The following NOP56 variants were observed in gnomAD, a reference collection of about 807,000 sequenced individuals.
NOP56 encodes the protein nucleolar protein 56.
Under a neutral mutation model 58.3 loss-of-function variants are expected in NOP56, and 31 were observed. That is an observed-to-expected ratio of 0.53 (90% CI 0.40 to 0.72). NOP56 has a LOEUF of 0.72. NOP56 is among the 30% of genes least tolerant of loss of function. The pLI is 0.00. For synonymous variants in NOP56, 313 were observed against 282.8 expected (o/e 1.11, Z -1.07); for missense variants, 669 against 739.9 (o/e 0.90, Z 1.11).
In NOP56 at chr20:2,658,215, G is replaced by C. The variant is rs759853283; in HGVS notation, c.1706G>C (p.Ser569Thr). 6.2e-7 allele frequency: 1 copy of C among 1,605,128 alleles called. No homozygotes were observed. The highest frequency in any genetic ancestry group is 8.5e-7 in the Non-Finnish European group (1 of 1,175,636). Residue 569 changes from serine to threonine, a missense_variant, in exon 12 of 12, where the codon AGC (serine) becomes ACC (threonine). Ser to Thr is a moderately conservative substitution (Grantham distance 58). This residue lies in a region of NOP56 where 209 missense variants were observed against 196.2 expected (regional missense o/e 1.07). Coordinates refer to ENST00000329276, the MANE Select transcript of NOP56 (RefSeq NM_006392.4). ...KRKFSKEEPVSSGPEEAVGKS... is the reference protein window; with the variant it reads ...KRKFSKEEPVTSGPEEAVGKS... ...AAATTCTCCAAAGAGGAGCCGGTCA[G>C]CAGTGGGCCTGAAGAGGCGGTTGGC... is the stretch of plus-strand genomic sequence containing the variant.
Position 2,654,777 on chromosome 20 carries a change from G to A in NOP56, c.399G>A (p.Val133=), listed in dbSNP as rs777172554. The change falls in exon 5 of 12, where the codon GTG becomes GTA. Residue 133 remains valine, a synonymous_variant. Coordinates refer to ENST00000329276, the MANE Select transcript of NOP56 (RefSeq NM_006392.4). ...TTCGTCTGCACTTCCACAATCTGGT[G>A]AAGGGTCTGACCGATCTGTCAGCTT... ...RGVRLHFHNL[V]KGLTDLSACK... The A allele has an allele frequency of 6.2e-7, 1 of 1,614,098 alleles. No individual in the cohort carries two copies. Among genetic ancestry groups the A allele is most frequent in the South Asian group, 1.1e-5 (1 of 91,088 alleles).
In NOP56 at chr20:2,654,814, C is replaced by T; in HGVS notation, c.436C>T (p.Leu146=). The T allele has an allele frequency of 6.2e-7, 1 of 1,614,216 alleles. No individual in the cohort carries two copies. The highest frequency in any genetic ancestry group is 2.2e-5 in the East Asian group (1 of 44,892). ...CGATCTGTCAGCTTGTAAAGCACAG[C>T]TGGGGCTGGGACACAGCTATTCCCG... ...LTDLSACKAQ[L]GLGHSYSRAK... is the part of the protein sequence containing the mutation. Residue 146 remains leucine, a synonymous_variant, in exon 5 of 12, where the codon CTG becomes TTG. Coordinates refer to ENST00000329276, the MANE Select transcript of NOP56 (RefSeq NM_006392.4).
At chr20:2,654,348 A>T (rs2086789852) in intron 3 of NOP56, 66 bp from the exon 4 acceptor site, 5 of 1,574,426 alleles carry the variant, frequency 3.2e-6, no homozygotes, top group Non-Finnish European at 4.4e-6. Flanking sequence ...CAGGGTAGTC[A>T]GCTGAGGGAT....
chr20:2,655,906 C>T (rs1304956261), intron 7 of NOP56, 28 bp from the exon 8 acceptor site: 1 of 1,613,878 alleles, frequency 6.2e-7, no homozygotes, highest in Non-Finnish European at 8.5e-7. Context: ...GTTCATTTCT[C>T]TGACTGCTTC....
intron 8 of NOP56, 88 bp from the exon 9 acceptor site, chr20:2,656,313 C>T (rs1209559117): frequency 2.1e-5 from 33 of 1,603,732 alleles, no homozygotes; most frequent in Admixed American, 3.4e-5. Context: ...CTCAGGACTT[C>T]GGGGTGAGAG....
intron 3 of NOP56, 61 bp downstream of exon 3, chr20:2,653,454 C>A (rs1274954329): frequency 2.8e-6 from 4 of 1,413,444 alleles, no homozygotes; most frequent in African/African-American, 2.8e-5. Context: ...TCCTCTCGGG[C>A]AGCTTGTGAT....
chr20:2,657,207 G>C lies in NOP56; in HGVS notation c.1408G>C (p.Glu470Gln), dbSNP rs1290994038. The C allele has an allele frequency of 6.2e-7, 1 of 1,614,068 alleles. No homozygotes were observed. Among genetic ancestry groups the C allele is most frequent in the African/African-American group, 1.3e-5 (1 of 74,930 alleles). The change falls in exon 11 of 12, where the codon GAG becomes CAG. Residue 470 changes from glutamate to glutamine, a missense_variant. This residue lies in a region of NOP56 where 209 missense variants were observed against 196.2 expected (regional missense o/e 1.07). Transcript: ENST00000329276. ...TTCAGAAAACAGCAGTAGTACTCCA[G>C]AGGAGTGTGAGGTCAGTAGGCAGCA... Reference protein sequence around the residue: ...ASSENSSSTPEECEEMSEKPK... With the variant: ...ASSENSSSTPQECEEMSEKPK...
At chr20:2,653,101 C>G (rs1600154733) in intron 2 of NOP56, 170 bp downstream of exon 2, 3 of 773,750 alleles carry the variant, frequency 3.9e-6, no homozygotes, top group East Asian at 2.6e-5. Flanking sequence ...TAGAATCGCT[C>G]TAGCAATTAG....
At chr20:2,654,378 C>A in intron 3 of NOP56, 36 bp from the exon 4 acceptor site, 1 of 1,613,292 alleles carries the variant, frequency 6.2e-7, no homozygotes. Context: ...GATCGTCCTT[C>A]AGCCTGTTAG....
rs951691348 is a variant in NOP56, at chr20:2,658,133, G to C, written c.1624G>C (p.Glu542Gln). The C allele has an allele frequency of 1.2e-5, 19 of 1,613,952 alleles. No homozygotes were observed. The highest frequency in any genetic ancestry group is 1.5e-5 in the Non-Finnish European group (18 of 1,179,990). Residue 542 changes from glutamate (E) to glutamine (Q), a missense_variant, in exon 12 of 12, where the codon GAA (glutamate) becomes CAA (glutamine). Glu to Gln is a conservative substitution (Grantham distance 29). Around this residue, in one of 3 missense-constraint regions of NOP56, gnomAD observed 209 missense variants for 196.2 expected, o/e 1.07. Coordinates refer to ENST00000329276, the MANE Select transcript of NOP56 (RefSeq NM_006392.4). ...GAGGAAGAAGTCTACACCCAAGGAGGAAACAGTTAATGACCCTGAGGAGGC... is the reference window on the plus strand; with the variant it reads ...GAGGAAGAAGTCTACACCCAAGGAGCAAACAGTTAATGACCCTGAGGAGGC... ...PKRKKSTPKE[E>Q]TVNDPEEAGH... is the part of the protein sequence containing the mutation.
chr20:2,653,550 C>T lies in NOP56; in HGVS notation c.208+157C>T, dbSNP rs138579984. Reference sequence around the variant, plus strand: ...ACAATGTGTAATTTGAAATAATTGTCTTCACAGAGCTCAAGGTCTGGGAAC... The same window carrying T: ...ACAATGTGTAATTTGAAATAATTGTTTTCACAGAGCTCAAGGTCTGGGAAC... On this transcript the variant is annotated intron_variant, in intron 3 of 11. Transcript: ENST00000329276. 913 of 632,454 alleles carry T rather than the reference C, an allele frequency of 1.4e-3. 5 individuals are homozygous for T. The highest frequency in any genetic ancestry group is 0.011 in the Middle Eastern group (33 of 3,020). The allele number at this position is 632,454 out of a possible 1,614,324, so 39.2% of individuals were successfully genotyped here.
intron 8 of NOP56, 76 bp downstream of exon 8, chr20:2,656,110 G>A: frequency 6.2e-7 from 1 of 1,613,114 alleles, no homozygotes; most frequent in Non-Finnish European, 8.5e-7. Context: ...CACGGTGATG[G>A]CTGACCAGGG....
chr20:2,653,826 T>G lies in NOP56; in HGVS notation c.208+433T>G, dbSNP rs905704957. On this transcript the variant is annotated intron_variant, in intron 3 of 11. Coordinates refer to ENST00000329276, the MANE Select transcript of NOP56 (RefSeq NM_006392.4). The stretch of plus-strand genomic sequence containing the variant: ...GCCAGCCACCACACCCGGCTAATTT[T>G]GTATTTTTGGTAGAGACGGGGTTTC... The G allele has an allele frequency of 2.3e-5, 6 of 261,190 alleles. No homozygotes were observed. The East Asian group carries it at 5.6e-4, about 24-fold the overall frequency. 16.2% of individuals were successfully genotyped at this position (261,190 alleles called of 1,614,324 possible).
intron 9 of NOP56, 62 bp from the exon 10 acceptor site, chr20:2,656,712 A>G (rs1388979027): frequency 2.5e-6 from 4 of 1,613,908 alleles, no homozygotes; most frequent in East Asian, 2.2e-5. Flanking sequence ...GGTAGAGGGA[A>G]CACAGGGTTG....
In NOP56 at chr20:2,652,644, AC is replaced by A; in HGVS notation, c.-14del. ...GCGCGCTAGCCGCATTGCGAGCCGA[AC>A]CCGGGAGCTGGCGCCATGGTGAGGA... is the stretch of plus-strand genomic sequence containing the variant. On this transcript the variant is annotated 5_prime_UTR_variant, in exon 1 of 12. Transcript: ENST00000329276. The A allele has an allele frequency of 2.8e-6, 4 of 1,416,016 alleles. No individual in the cohort carries two copies. Among genetic ancestry groups the A allele is most frequent in the Non-Finnish European group, 3.7e-6 (4 of 1,093,050 alleles). The allele number at this position is 1,416,016 out of a possible 1,614,324, so 87.7% of individuals were successfully genotyped here. A position where few individuals can be genotyped will look rare whatever the true frequency, so the allele number is the denominator to read the frequency against.
chr20:2,652,992 C>A, intron 2 of NOP56, 61 bp downstream of exon 2: 1 of 1,430,646 alleles, frequency 7.0e-7, no homozygotes, highest in Non-Finnish European at 9.5e-7. Context: ...CGGGTCCCAG[C>A]ATGCACAGCG....
intron 11 of NOP56, chr20:2,657,532 G>A (rs1442703949): frequency 1.8e-6 from 1 of 562,554 alleles, no homozygotes; most frequent in East Asian, 3.5e-5. Context: ...CGTGTGTCCG[G>A]AGGTGGTCGT....
chr20:2,656,706 G>A, intron 9 of NOP56, 68 bp from the exon 10 acceptor site: 10 of 1,613,766 alleles, frequency 6.2e-6, no homozygotes, highest in Non-Finnish European at 8.5e-6. Context: ...GCTGAGGGTA[G>A]AGGGAACACA....
At chr20:2,653,226 C>A in intron 2 of NOP56, 53 bp from the exon 3 acceptor site, 2 of 1,424,032 alleles carry the variant, frequency 1.4e-6, no homozygotes, top group Non-Finnish European at 2.0e-6. Context: ...CTTGACTGCG[C>A]CGCAGAGGCA....
Sources: allele counts gnomAD v4.1 joint callset, GRCh38; gene constraint gnomAD v4.1.1; regional missense constraint gnomAD v4.1.1; transcripts MANE v1.5; gene names NCBI Gene and HGNC (gene_info 2026-07-23, HGNC 2026-07-21).